The following QTMAN variants were observed in gnomAD, a reference collection of about 807,000 sequenced individuals.
The protein encoded by QTMAN is tRNA-queuosine alpha-mannosyltransferase.
chr2:144,120,679 C>T, the QTMAN span, among the ~76,000 whole-genome samples: 13 of 152,108 alleles, frequency 8.5e-5, no homozygotes, highest in Admixed American at 2.0e-4. Flanking sequence ...AAAGGGATTT[C>T]GGTAAGAACT....
the QTMAN span, among the ~76,000 whole-genome samples, chr2:144,129,755 T>C: frequency 6.6e-6 from 1 of 152,016 alleles, no homozygotes; most frequent in Non-Finnish European, 1.5e-5. Context: ...GAATTATAAC[T>C]AGATATCCTA....
the QTMAN span, chr2:144,127,929 C>G: frequency 6.6e-6 from 1 of 152,050 alleles, no homozygotes; most frequent in East Asian, 1.9e-4. Context: ...CTGACCAGAA[C>G]ATCAGCCCAC....
the QTMAN span, among the ~76,000 whole-genome samples, chr2:144,190,651 A>C: frequency 3.9e-5 from 6 of 152,240 alleles, no homozygotes; most frequent in Non-Finnish European, 8.8e-5. Flanking sequence ...CTGATGCCTA[A>C]ATAACAATTC....
At chr2:144,028,736 C>T in the QTMAN span, among the ~76,000 whole-genome samples, 3 of 152,206 alleles carry the variant, frequency 2.0e-5, no homozygotes, top group Admixed American at 1.3e-4. Flanking sequence ...AAGAGATATA[C>T]GTGATCATTC....
chr2:144,154,436 A>G, the QTMAN span, among the ~76,000 whole-genome samples: 1 of 152,254 alleles, frequency 6.6e-6, no homozygotes, highest in Non-Finnish European at 1.5e-5. Context: ...TCTAGCTTAC[A>G]TAATCAGATA....
At chr2:144,302,581 A>G in the QTMAN span, among the ~76,000 whole-genome samples, 1 of 152,194 alleles carries the variant, frequency 6.6e-6, no homozygotes, top group Non-Finnish European at 1.5e-5. Context: ...AAATTTATCT[A>G]TAATTTCTAT....
At chr2:144,326,559 C>T in the QTMAN span, among the ~76,000 whole-genome samples, 6 of 148,028 alleles carry the variant, frequency 4.1e-5, no homozygotes, top group Non-Finnish European at 8.9e-5. Flanking sequence ...TGCACTCCAG[C>T]CTGGGCAACA....
At chr2:143,955,262 T>C in the QTMAN span, among the ~76,000 whole-genome samples, 1 of 151,844 alleles carries the variant, frequency 6.6e-6, no homozygotes, top group Non-Finnish European at 1.5e-5. Context: ...CGGAGGAGAG[T>C]AAATAAAATG....
the QTMAN span, among the ~76,000 whole-genome samples, chr2:144,204,970 A>C: frequency 2.4e-5 from 3 of 125,910 alleles, no homozygotes; most frequent in Admixed American, 2.8e-4. Context: ...AGGAAGGGGA[A>C]CATCACACAC....
At chr2:143,946,909 GCT>G in the QTMAN span, 1 of 608,396 alleles carries the variant, frequency 1.6e-6, no homozygotes, top group Non-Finnish European at 2.9e-6. Flanking sequence ...GTGGCAGATG[GCT>G]CTGTGTCAGC....
chr2:144,088,667 C>T, the QTMAN span, among the ~76,000 whole-genome samples: 1 of 151,972 alleles, frequency 6.6e-6, no homozygotes, highest in Non-Finnish European at 1.5e-5. Context: ...AATAAAGCCA[C>T]ATATTCATAG....
chr2:144,261,347 T>C, the QTMAN span, among the ~76,000 whole-genome samples: 2 of 152,180 alleles, frequency 1.3e-5, no homozygotes, highest in African/African-American at 4.8e-5. Context: ...GGGGGGATGA[T>C]ATTTAAGCAA....
chr2:144,005,764 ATTG>A, the QTMAN span: 1 of 152,132 alleles, frequency 6.6e-6, no homozygotes, highest in Admixed American at 6.5e-5. Flanking sequence ...TCAATTTAGT[ATTG>A]TTAATTTTAT....
the QTMAN span, among the ~76,000 whole-genome samples, chr2:144,321,990 T>A: frequency 6.6e-6 from 1 of 152,208 alleles, no homozygotes; most frequent in Non-Finnish European, 1.5e-5. Flanking sequence ...GACCATTAAC[T>A]GTATCTCAAT....
At chr2:144,279,040 CTCAAG>C in the QTMAN span, among the ~76,000 whole-genome samples, 6 of 152,082 alleles carry the variant, frequency 3.9e-5, no homozygotes, top group East Asian at 1.2e-3. Flanking sequence ...AAGATTACTG[CTCAAG>C]TCAAGTTCAG....
chr2:144,081,895 AT>A, the QTMAN span, among the ~76,000 whole-genome samples: 2 of 151,234 alleles, frequency 1.3e-5, no homozygotes. Context: ...TCAAAGATGG[AT>A]TTTTTTTTAA....
chr2:144,014,382 G>C, the QTMAN span, among the ~76,000 whole-genome samples: 1 of 152,142 alleles, frequency 6.6e-6, no homozygotes, highest in Non-Finnish European at 1.5e-5. Flanking sequence ...CTGAAATTTT[G>C]CTTCTCATGG....
At chr2:144,248,125 T>C in the QTMAN span, among the ~76,000 whole-genome samples, 1 of 150,760 alleles carries the variant, frequency 6.6e-6, no homozygotes, top group South Asian at 2.1e-4. Context: ...GTGTTTTACG[T>C]AATAGTAAAA....
the QTMAN span, among the ~76,000 whole-genome samples, chr2:144,254,292 G>A: frequency 6.6e-6 from 1 of 152,086 alleles, no homozygotes; most frequent in East Asian, 1.9e-4. Context: ...TGTGGTTGTG[G>A]GCGCCTGTAA....
Sources: gnomAD v4.1 joint callset for allele counts (sites outside exome capture counted in the v4.1 genomes callset) on GRCh38, gnomAD v4.1.1 for gene constraint, MANE v1.5 for transcripts, NCBI Gene and HGNC (gene_info 2026-07-23, HGNC 2026-07-21) for gene names.